ECE1: variants seen among roughly 807,000 people sequenced by gnomAD.
ECE1 encodes endothelin-converting enzyme 1.
Under a neutral mutation model 98.6 loss-of-function variants are expected in ECE1, and 35 were observed. The observed-to-expected ratio is 0.35, with a 90% CI of 0.27 to 0.47. The LOEUF is 0.47. Among genes scored for constraint, ECE1 ranks in the 20% least tolerant of loss-of-function variants. The pLI is 1.00. For missense variants in ECE1, 814 were observed against 1,025.3 expected (o/e 0.79, Z 2.81); for synonymous variants, 394 against 407.1 (o/e 0.97, Z 0.39).
intron 4 of ECE1, among the ~76,000 whole-genome samples, chr1:21,268,370 C>A (rs777215238): frequency 6.6e-6 from 1 of 152,212 alleles, no homozygotes; most frequent in Non-Finnish European, 1.5e-5. Context: ...GGGGGAGTGG[C>A]AGAGTGAGGT....
intron 1 of ECE1, among the ~76,000 whole-genome samples, chr1:21,324,036 G>C (rs760670822): frequency 6.6e-6 from 1 of 152,044 alleles, no homozygotes; most frequent in Non-Finnish European, 1.5e-5. Context: ...TGGTCTGGCT[G>C]ACCTCAAACT....
chr1:21,288,799 T>G (rs773224279), intron 2 of ECE1, among the ~76,000 whole-genome samples: 1 of 152,134 alleles, frequency 6.6e-6, no homozygotes, highest in Non-Finnish European at 1.5e-5. Flanking sequence ...GACGTGTCGC[T>G]CTCGGATTTT....
At chr1:21,301,827 G>GAAAAAAA (rs34861827) in intron 1 of ECE1, among the ~76,000 whole-genome samples, 4 of 33,940 alleles carry the variant, frequency 1.2e-4, no homozygotes, top group African/African-American at 4.1e-4. Flanking sequence ...CCCTGTCTCA[G>GAAAAAAA]AAAAAAAAAA....
chr1:21,290,627 C>A, upstream of ECE1: 1 of 1,065,894 alleles, frequency 9.4e-7, no homozygotes, highest in Non-Finnish European at 1.2e-6. This position sits in a 1 kb window ranked among gnomAD's most constrained non-coding sequence, Gnocchi z 7.3. Flanking sequence ...GGCCCCCAAA[C>A]TGAAGCCCCT....
intron 3 of ECE1, among the ~76,000 whole-genome samples, chr1:21,278,426 C>G (rs2098250071): frequency 6.6e-6 from 1 of 152,214 alleles, no homozygotes; most frequent in Non-Finnish European, 1.5e-5. Context: ...CGATGGGCAG[C>G]TGGATCTGGA....
chr1:21,324,815 C>T (rs1439950744), intron 1 of ECE1, among the ~76,000 whole-genome samples: 1 of 152,304 alleles, frequency 6.6e-6, no homozygotes, highest in South Asian at 2.1e-4. Context: ...CTTCCCCAAC[C>T]GAGTGTGTCA....
rs150731812 is a variant in ECE1, at chr1:21,254,710, G to C, written c.1020+1237C>G. The stretch of plus-strand genomic sequence containing the variant: ...AAACAACATCACCCTCAGCCTCCTG[G>C]CCTCAGAGCAGGAAAAGAGTGCCAG... On this transcript the variant is annotated intron_variant, in intron 8 of 18. Coordinates refer to ENST00000374893, the MANE Select transcript of ECE1 (RefSeq NM_001397.3). 3.9e-3 allele frequency among the ~76,000 whole-genome samples: 587 copies of C among 148,890 alleles called. 2 individuals are homozygous for C. The highest frequency in any genetic ancestry group is 8.7e-3 in the Admixed American group (129 of 14,778).
At chr1:21,305,056 T>C (rs1308822622) in intron 1 of ECE1, among the ~76,000 whole-genome samples, 3 of 152,144 alleles carry the variant, frequency 2.0e-5, no homozygotes, top group African/African-American at 4.8e-5. Flanking sequence ...ACATCCAACA[T>C]AGAAGCGCCA....
chr1:21,337,443 G>A (rs1382565998), intron 1 of ECE1, among the ~76,000 whole-genome samples: 2 of 152,224 alleles, frequency 1.3e-5, no homozygotes, highest in Admixed American at 1.3e-4. Context: ...CGGGAACTGT[G>A]GGAATGGTTC....
chr1:21,226,633 GAGCCTCCCACCTC>G (rs2098174600), intron 16 of ECE1, among the ~76,000 whole-genome samples: 1 of 152,162 alleles, frequency 6.6e-6, no homozygotes, highest in African/African-American at 2.4e-5. Flanking sequence ...GGGCTCAAGT[GAGCCTCCCACCTC>G]AGCCTCCCAA....
intron 1 of ECE1, among the ~76,000 whole-genome samples, chr1:21,324,082 A>G (rs1639022775): frequency 6.6e-6 from 1 of 152,102 alleles, no homozygotes; most frequent in Admixed American, 6.5e-5. Flanking sequence ...TCAGCCTCCC[A>G]AAGTGCTGGG....
At chr1:21,248,875 G>A (rs1015245253) in intron 8 of ECE1, among the ~76,000 whole-genome samples, 28 of 151,092 alleles carry the variant, frequency 1.9e-4, no homozygotes, top group Admixed American at 4.0e-4. Flanking sequence ...TGCCTGCCTC[G>A]GCCTCCCAAA....
At chr1:21,243,720 T>G (rs1369255990) in intron 10 of ECE1, among the ~76,000 whole-genome samples, 1 of 152,232 alleles carries the variant, frequency 6.6e-6, no homozygotes, top group Non-Finnish European at 1.5e-5. Context: ...GGGAACAGAA[T>G]CCTGGCTTTG....
intron 4 of ECE1, chr1:21,266,068 C>A (rs945098578): frequency 4.6e-5 from 7 of 152,172 alleles, no homozygotes; most frequent in African/African-American, 1.7e-4. Context: ...TGGGAGTTTT[C>A]ATTGGAATGC....
chr1:21,229,181 C>CT (rs961580678), intron 14 of ECE1, among the ~76,000 whole-genome samples: 114 of 145,822 alleles, frequency 7.8e-4, no homozygotes, highest in Middle Eastern at 3.5e-3. Flanking sequence ...GAATACAAGA[C>CT]TTTTTTTTTT....
Position 21,298,408 on chromosome 1 carries a change from C to T in ECE1, c.4-8252G>A, listed in dbSNP as rs969584123. 9.2e-5 allele frequency: 25 copies of T among 270,782 alleles called. 1 individual carries two copies. Among genetic ancestry groups the T allele is most frequent in the Middle Eastern group, 1.5e-3 (1 of 666 alleles). 16.8% of individuals were successfully genotyped at this position (270,782 alleles called of 1,614,324 possible). A position where few individuals can be genotyped will look rare whatever the true frequency, so the allele number is the denominator to read the frequency against. ...CAACACAGTGAAGAGCAGCCAAGTG[C>T]GGCTGTGTGGCCCTGACCAAGTCAT... On this transcript the variant is annotated intron_variant, in intron 1 of 18. Transcript: ENST00000415912.
chr1:21,303,447 G>A (rs1638528668), intron 1 of ECE1, among the ~76,000 whole-genome samples: 1 of 152,232 alleles, frequency 6.6e-6, no homozygotes, highest in South Asian at 2.1e-4. Flanking sequence ...CATCTGTAAA[G>A]TGGATCTATT....
At chr1:21,227,531 C>T (rs1055983307) in intron 15 of ECE1, among the ~76,000 whole-genome samples, 1 of 152,200 alleles carries the variant, frequency 6.6e-6, no homozygotes, top group African/African-American at 2.4e-5. Flanking sequence ...CATTGACCAG[C>T]TCTATTTATG....
chr1:21,303,332 C>T (rs902927845), intron 1 of ECE1, among the ~76,000 whole-genome samples: 3 of 152,234 alleles, frequency 2.0e-5, no homozygotes, highest in Admixed American at 6.5e-5. Context: ...TGGTGGGGAA[C>T]ACAGATTGTG....
Sources: allele counts gnomAD v4.1 joint callset (sites outside exome capture counted in the v4.1 genomes callset), GRCh38; gene constraint gnomAD v4.1.1; non-coding constraint Gnocchi (gnomAD v3.1); transcripts MANE v1.5; gene names NCBI Gene and HGNC (gene_info 2026-07-23, HGNC 2026-07-21).